The following TTC29 variants were observed in gnomAD, a reference collection of about 807,000 sequenced individuals.
TTC29 encodes the protein tetratricopeptide repeat domain 29.
In TTC29, 49 loss-of-function variants were observed where a neutral mutation model predicts 58.1. The ratio of observed to expected loss-of-function variants is 0.84; its 90% CI spans 0.67 to 1.07. The LOEUF is 1.07. TTC29 is among the 50% of genes least tolerant of loss of function. TTC29 has a pLI of 0.00. For missense variants in TTC29, 582 were observed against 555.6 expected (o/e 1.05, Z -0.48); for synonymous variants, 209 against 196.8 (o/e 1.06, Z -0.52).
At chr4:146,903,514 C>G (rs762062049) in intron 6 of TTC29, 30 bp downstream of exon 6, 4 of 1,575,324 alleles carry the variant, frequency 2.5e-6, no homozygotes. Context: ...CCAAAACATA[C>G]CCAAGGCATC....
intron 11 of TTC29, among the ~76,000 whole-genome samples, chr4:146,788,318 CT>C (rs1749184084): frequency 1.3e-5 from 2 of 152,340 alleles, no homozygotes; most frequent in African/African-American, 2.4e-5. Flanking sequence ...GAGAATGCCC[CT>C]GTGACAGGCT....
chr4:146,826,772 T>G (rs1299534760), intron 9 of TTC29, among the ~76,000 whole-genome samples: 3 of 152,082 alleles, frequency 2.0e-5, no homozygotes, highest in African/African-American at 7.2e-5. Flanking sequence ...GGTCTTTTTA[T>G]GAAGTCCCAT....
At chr4:146,913,518 AG>A (rs1320696389) in intron 4 of TTC29, among the ~76,000 whole-genome samples, 1 of 151,986 alleles carries the variant, frequency 6.6e-6, no homozygotes, top group African/African-American at 2.4e-5. Flanking sequence ...TCCCTAGCCA[AG>A]GAGTGGGTTA....
chr4:146,835,655 T>C (rs963810072), intron 8 of TTC29, among the ~76,000 whole-genome samples: 10 of 152,264 alleles, frequency 6.6e-5, no homozygotes, highest in Middle Eastern at 6.8e-3. Flanking sequence ...CTCCAGACTT[T>C]GGACTGATAC....
rs553745086 is a variant in TTC29 at position 146,855,573 on chromosome 4, T to A, written c.885+11925A>T. ...AAGTTGAAATTACTGGGTAAAAGAG[T>A]TTTTTACAAGTATATGGATTGAATA... On this transcript the variant is annotated intron_variant, in intron 8 of 12. Transcript: ENST00000325106. Among the ~76,000 whole-genome samples, 3 of 152,086 alleles carry A rather than the reference T, an allele frequency of 2.0e-5. No homozygotes were observed. In the East Asian group the frequency reaches 5.8e-4, roughly 29 times the overall value.
chr4:146,910,131 G>C (rs1012857706), intron 4 of TTC29, among the ~76,000 whole-genome samples: 2 of 151,358 alleles, frequency 1.3e-5, no homozygotes, highest in Non-Finnish European at 2.9e-5. Context: ...TAGGACAAAC[G>C]ACATGATGTG....
At chr4:146,807,845 T>C (rs1003263866) in intron 10 of TTC29, among the ~76,000 whole-genome samples, 2 of 152,248 alleles carry the variant, frequency 1.3e-5, no homozygotes, top group Middle Eastern at 3.4e-3. Context: ...TCTGAAACTA[T>C]TCCAAACAAC....
At chr4:146,728,478 G>A (rs1743956448) in intron 11 of TTC29, among the ~76,000 whole-genome samples, 1 of 151,052 alleles carries the variant, frequency 6.6e-6, no homozygotes. Flanking sequence ...TAATCATATG[G>A]TACACTCCTT....
At chr4:146,883,081 A>G (rs1454550799) in intron 6 of TTC29, among the ~76,000 whole-genome samples, 1 of 152,094 alleles carries the variant, frequency 6.6e-6, no homozygotes, top group Non-Finnish European at 1.5e-5. Context: ...TCACATACTC[A>G]GTAGGTGGTG....
chr4:146,928,641 A>AT (rs889877390), intron 4 of TTC29, among the ~76,000 whole-genome samples: 19 of 152,140 alleles, frequency 1.2e-4, no homozygotes, highest in African/African-American at 4.6e-4. Context: ...AGAAGGAGTC[A>AT]TTTTTTATCT....
intron 11 of TTC29, among the ~76,000 whole-genome samples, chr4:146,720,482 C>T (rs575253115): frequency 2.0e-5 from 3 of 151,888 alleles, no homozygotes; most frequent in East Asian, 1.9e-4. Context: ...TTTTATGTTA[C>T]GTAAAGCAAA....
intron 8 of TTC29, among the ~76,000 whole-genome samples, chr4:146,856,600 C>T (rs1357702088): frequency 1.3e-5 from 2 of 150,872 alleles, no homozygotes; most frequent in African/African-American, 4.9e-5. Context: ...ATTTAAATGA[C>T]AAATACTGTA....
At chr4:146,799,772 T>C (rs1408378300) in intron 11 of TTC29, among the ~76,000 whole-genome samples, 1 of 152,204 alleles carries the variant, frequency 6.6e-6, no homozygotes, top group Non-Finnish European at 1.5e-5. Flanking sequence ...GTTAACAATA[T>C]TGGTATTTAA....
chr4:146,829,327 A>G (rs1440025667), intron 9 of TTC29, among the ~76,000 whole-genome samples: 2 of 152,212 alleles, frequency 1.3e-5, no homozygotes, highest in African/African-American at 4.8e-5. Flanking sequence ...GAAGTAATCA[A>G]TAAAGGATGT....
intron 6 of TTC29, among the ~76,000 whole-genome samples, chr4:146,901,851 G>C (rs576043170): frequency 1.0e-3 from 155 of 152,234 alleles, no homozygotes; most frequent in African/African-American, 3.7e-3. Context: ...GTTAAGACCT[G>C]GTTTTCCTAG....
chr4:146,810,405 A>AT (rs1491518644), intron 10 of TTC29, among the ~76,000 whole-genome samples: 5 of 152,144 alleles, frequency 3.3e-5, no homozygotes, highest in Admixed American at 3.3e-4. Context: ...AAGTATATAT[A>AT]AAAAAAGTCT....
chr4:146,775,600 A>T (rs1433748259), intron 11 of TTC29, among the ~76,000 whole-genome samples: 1 of 149,806 alleles, frequency 6.7e-6, no homozygotes, highest in Non-Finnish European at 1.5e-5. Context: ...TCTGACTTGT[A>T]GCATTTCTGC....
chr4:146,738,747 C>A (rs775737437), intron 11 of TTC29, among the ~76,000 whole-genome samples: 1 of 152,076 alleles, frequency 6.6e-6, no homozygotes, highest in Non-Finnish European at 1.5e-5. Flanking sequence ...TTTGTGATTG[C>A]GCATCTTAAG....
At chr4:146,889,399 T>A (rs1209692727) in intron 6 of TTC29, among the ~76,000 whole-genome samples, 3 of 152,056 alleles carry the variant, frequency 2.0e-5, no homozygotes, top group Non-Finnish European at 2.9e-5. Context: ...AACTAAACAA[T>A]ACATGCACAA....
Sources: gnomAD v4.1 joint callset for allele counts (sites outside exome capture counted in the v4.1 genomes callset) on GRCh38, gnomAD v4.1.1 for gene constraint, MANE v1.5 for transcripts, NCBI Gene and HGNC (gene_info 2026-07-23, HGNC 2026-07-21) for gene names.